The following CADPS variants were observed in gnomAD, a reference collection of about 807,000 sequenced individuals.
The protein encoded by CADPS is calcium-dependent secretion activator 1.
A neutral mutation model predicts 167.3 loss-of-function variants in CADPS; 57 were observed. The observed-to-expected ratio is 0.34, with a 90% confidence interval of 0.28 to 0.42. CADPS has a LOEUF of 0.42. Among genes scored for constraint, CADPS ranks in the 20% least tolerant of loss-of-function variants. The pLI is 1.00. For missense variants in CADPS, 1,414 were observed against 1,738.1 expected (o/e 0.81, Z 3.32); for synonymous variants, 676 against 635.3 (o/e 1.06, Z -0.96).
At chr3:62,857,489 C>G (rs538308932) in intron 1 of CADPS, among the ~76,000 whole-genome samples, 1 of 152,016 alleles carries the variant, frequency 6.6e-6, no homozygotes, top group African/African-American at 2.4e-5. Context: ...TCAATACAAC[C>G]AGTTAAATAA....
rs1332845385 is a variant in CADPS, at chr3:62,874,901, G to A, written c.129C>T (p.Ala43=). ...LSPSRTSEGS[A]GSAGLGGGGA... The stretch of plus-strand genomic sequence containing the variant: ...CGCCGCCCCCCAGCCCGGCGCTGCC[G>A]GCCGAGCCCTCGCTGGTACGGCTGG... Residue 43 remains alanine (A), a synonymous_variant, in exon 1 of 30, where the codon GCC becomes GCT. Coordinates refer to ENST00000383710, the MANE Select transcript of CADPS (RefSeq NM_003716.4). The surrounding 1 kb of genome is among the most constrained non-coding windows in gnomAD (Gnocchi z 7.1). 3 of 1,379,712 alleles carry A rather than the reference G, an allele frequency of 2.2e-6. No homozygotes were observed. The highest frequency in any genetic ancestry group is 1.9e-6 in the Non-Finnish European group (2 of 1,059,046). The allele number at this position is 1,379,712 out of a possible 1,614,324, so 85.5% of individuals were successfully genotyped here. A position where few individuals can be genotyped will look rare whatever the true frequency, so the allele number is the denominator to read the frequency against.
intron 13 of CADPS, among the ~76,000 whole-genome samples, chr3:62,519,484 AT>A (rs1461218907): frequency 6.6e-6 from 1 of 152,194 alleles, no homozygotes; most frequent in East Asian, 1.9e-4. Flanking sequence ...TCCCCACTTT[AT>A]AAAAAATACC....
chr3:62,470,683 G>C (rs1260325474), intron 24 of CADPS: 1 of 152,148 alleles, frequency 6.6e-6, no homozygotes, highest in Non-Finnish European at 1.5e-5. Context: ...GGTCATTTAA[G>C]TGTCTCAGAT....
intron 6 of CADPS, among the ~76,000 whole-genome samples, chr3:62,620,504 T>G (rs1183209561): frequency 6.6e-6 from 1 of 152,154 alleles, no homozygotes; most frequent in Non-Finnish European, 1.5e-5. Context: ...TATGAAACAC[T>G]TCAAACACAG....
intron 3 of CADPS, among the ~76,000 whole-genome samples, chr3:62,714,192 C>G (rs901294344): frequency 2.0e-5 from 3 of 152,130 alleles, no homozygotes; most frequent in African/African-American, 7.2e-5. Flanking sequence ...AGCAAGCAGA[C>G]AAGCAAGCAA....
At chr3:62,810,848 C>T (rs977183100) in intron 1 of CADPS, among the ~76,000 whole-genome samples, 2 of 152,200 alleles carry the variant, frequency 1.3e-5, no homozygotes, top group East Asian at 1.9e-4. Context: ...AGGGCTCTTA[C>T]GTGTGTTTGG....
intron 3 of CADPS, among the ~76,000 whole-genome samples, chr3:62,691,215 G>A (rs965526045): frequency 4.6e-5 from 7 of 151,988 alleles, no homozygotes; most frequent in African/African-American, 9.7e-5. Context: ...TTAGGACAGC[G>A]AAACTGCTCT....
In CADPS at chr3:62,874,105, G is replaced by T. The variant is rs903218252; in HGVS notation, c.441+484C>A. Among the ~76,000 whole-genome samples the T allele has an allele frequency of 2.6e-5, 4 of 152,332 alleles. No individual in the cohort carries two copies. The highest frequency in any genetic ancestry group is 9.6e-5 in the African/African-American group (4 of 41,588). On this transcript the variant is annotated intron_variant, in intron 1 of 29. Transcript: ENST00000383710. This position sits in a 1 kb window ranked among gnomAD's most constrained non-coding sequence, Gnocchi z 7.1. ...AGCGAGCGGAGCGCTGCTCCAAGAC[G>T]CTCTTCTCCCTCCACCTCGGCGCCC...
chr3:62,789,745 A>G (rs1461514078), intron 1 of CADPS, among the ~76,000 whole-genome samples: 1 of 152,194 alleles, frequency 6.6e-6, no homozygotes, highest in East Asian at 1.9e-4. Flanking sequence ...TTTCAAATAA[A>G]CCTATCAAAA....
intron 1 of CADPS, among the ~76,000 whole-genome samples, chr3:62,862,157 T>A (rs1299077825): frequency 6.6e-6 from 1 of 151,912 alleles, no homozygotes; most frequent in Non-Finnish European, 1.5e-5. Context: ...AAACACATAT[T>A]GACTCCATTA....
chr3:62,474,138 G>GAA (rs769486045), intron 24 of CADPS, 35 bp downstream of exon 24: 14 of 991,312 alleles, frequency 1.4e-5, no homozygotes, highest in African/African-American at 1.3e-4. Flanking sequence ...AATGAAGAGG[G>GAA]AAAAAAAAAT....
At position 62,785,689 on chromosome 3, in the gene CADPS, C is replaced by A. The variant is rs78301390; in HGVS notation, c.442-19705G>T. On this transcript the variant is annotated intron_variant, in intron 1 of 29. Transcript: ENST00000383710. ...ATCAACACTGCTTATTTCTCACTGGCCATATTAGGAGGTTACAACAGATGA... is the reference window on the plus strand; with the variant it reads ...ATCAACACTGCTTATTTCTCACTGGACATATTAGGAGGTTACAACAGATGA... Among the ~76,000 whole-genome samples, 23 of 152,162 alleles carry A rather than the reference C, an allele frequency of 1.5e-4. No homozygotes were observed. In the East Asian group the frequency reaches 4.4e-3, roughly 29 times the overall value.
At chr3:62,722,532 G>A (rs1163127967) in intron 3 of CADPS, among the ~76,000 whole-genome samples, 1 of 152,216 alleles carries the variant, frequency 6.6e-6, no homozygotes, top group Admixed American at 6.5e-5. Flanking sequence ...GTGGAGGCTG[G>A]AGCCAGAAAG....
At chr3:62,476,778 G>A (rs2061378996) in intron 23 of CADPS, among the ~76,000 whole-genome samples, 3 of 152,124 alleles carry the variant, frequency 2.0e-5, no homozygotes, top group Admixed American at 1.3e-4. Context: ...GCACAGTTTA[G>A]GAACTGGTAA....
At chr3:62,546,932 T>C (rs1187084351) in intron 11 of CADPS, among the ~76,000 whole-genome samples, 1 of 152,120 alleles carries the variant, frequency 6.6e-6, no homozygotes, top group Non-Finnish European at 1.5e-5. Context: ...CTAGACACTT[T>C]TTTCTCTTTT....
chr3:62,566,532 G>GT (rs1562249195), intron 9 of CADPS, among the ~76,000 whole-genome samples: 1 of 152,016 alleles, frequency 6.6e-6, no homozygotes, highest in African/African-American at 2.4e-5. Flanking sequence ...AAGGGAGTGT[G>GT]TTTTTTTCTT....
chr3:62,501,020 T>G lies in CADPS; in HGVS notation c.2600-1752A>C, dbSNP rs145559739. On this transcript the variant is annotated intron_variant, in intron 17 of 29. Coordinates refer to ENST00000383710, the MANE Select transcript of CADPS (RefSeq NM_003716.4). ...CAGTCTAACAGGGCCTGAGGGCTAG[T>G]GTGAAAATGGGCTTCCTGGATTCAA... Among the ~76,000 whole-genome samples the G allele has an allele frequency of 1.7e-3, 260 of 152,232 alleles. 1 individual carries two copies. Among genetic ancestry groups the G allele is most frequent in the African/African-American group, 6.0e-3 (251 of 41,560 alleles).
chr3:62,505,100 G>A (rs569072233), intron 17 of CADPS, among the ~76,000 whole-genome samples: 9 of 152,226 alleles, frequency 5.9e-5, no homozygotes, highest in South Asian at 4.2e-4. Flanking sequence ...AGCTCAAGTA[G>A]CAACAGAAAG....
chr3:62,456,537 CT>C (rs1286639955), intron 26 of CADPS, among the ~76,000 whole-genome samples: 1 of 152,022 alleles, frequency 6.6e-6, no homozygotes, highest in Admixed American at 6.6e-5. Flanking sequence ...CAAATGGAAA[CT>C]TTCTTCTTGA....
Sources: allele counts gnomAD v4.1 joint callset (sites outside exome capture counted in the v4.1 genomes callset), GRCh38; gene constraint gnomAD v4.1.1; non-coding constraint Gnocchi (gnomAD v3.1); transcripts MANE v1.5; gene names NCBI Gene and HGNC (gene_info 2026-07-23, HGNC 2026-07-21).